PSIP1: variants seen among roughly 807,000 people sequenced by gnomAD.
PSIP1 encodes PC4 and SRSF1 interacting protein 1.
Under a neutral mutation model 74.7 loss-of-function variants are expected in PSIP1, and 19 were observed. That is an observed-to-expected ratio of 0.25 (90% CI 0.18 to 0.37). The LOEUF (loss-of-function observed/expected upper bound fraction) is 0.37. Ranked by LOEUF, PSIP1 falls within the 10% of genes least tolerant of loss-of-function variation. The pLI is 1.00. For synonymous variants in PSIP1, 222 were observed against 195.3 expected (o/e 1.14, Z -1.14); for missense variants, 601 against 614.3 (o/e 0.98, Z 0.23).
intron 12 of PSIP1, 75 bp downstream of exon 12, chr9:15,469,191 A>G (rs2035742436): frequency 1.5e-6 from 2 of 1,324,176 alleles, no homozygotes; most frequent in African/African-American, 1.5e-5. Flanking sequence ...TTACATACTC[A>G]TAAGATCATG....
chr9:15,493,976 C>T (rs2036956050), intron 3 of PSIP1, among the ~76,000 whole-genome samples: 4 of 152,176 alleles, frequency 2.6e-5, no homozygotes, highest in African/African-American at 9.7e-5. Context: ...CTCCTCCCCA[C>T]ATCAGTGAGT....
At chr9:15,490,147 G>GT in intron 3 of PSIP1, 23 bp from the exon 4 acceptor site, 1 of 1,558,484 alleles carries the variant, frequency 6.4e-7, no homozygotes, top group Non-Finnish European at 8.6e-7. Context: ...TGGGGAAGAT[G>GT]TGAGTGCAAA....
intron 6 of PSIP1, 60 bp downstream of exon 6, chr9:15,485,946 A>C (rs1210751249): frequency 7.0e-7 from 1 of 1,426,250 alleles, no homozygotes; most frequent in African/African-American, 1.4e-5. Flanking sequence ...ACTCTCCCTC[A>C]ACCCAATTAA....
Position 15,465,414 on chromosome 9 carries a change from C to T in PSIP1, c.*106G>A. ...GATTTTCTCCCTCAAAACAAGTTTT[C>T]AACATCAAACCTATGCTTATAAAAA... On this transcript the variant is annotated 3_prime_UTR_variant, in exon 16 of 16. Coordinates refer to ENST00000380733, the MANE Select transcript of PSIP1 (RefSeq NM_033222.5). 9.8e-7 allele frequency: 1 copy of T among 1,018,738 alleles called. No homozygotes were observed. Among genetic ancestry groups the T allele is most frequent in the South Asian group, 1.5e-5 (1 of 65,824 alleles). 63.1% of individuals were successfully genotyped at this position (1,018,738 alleles called of 1,614,324 possible). A position where few individuals can be genotyped will look rare whatever the true frequency, so the allele number is the denominator to read the frequency against.
At chr9:15,490,427 A>C (rs1167011278) in intron 3 of PSIP1, among the ~76,000 whole-genome samples, 1 of 152,186 alleles carries the variant, frequency 6.6e-6, no homozygotes, top group Non-Finnish European at 1.5e-5. Context: ...TTACGCCTGT[A>C]ATCTCACCAC....
At chr9:15,487,465 C>T (rs1368278704) in intron 4 of PSIP1, among the ~76,000 whole-genome samples, 11 of 151,754 alleles carry the variant, frequency 7.2e-5, no homozygotes, top group African/African-American at 2.2e-4. Flanking sequence ...CATGGTGGCA[C>T]GCGCCTGTAA....
Position 15,510,126 on chromosome 9 carries a change from C to T in PSIP1, c.63G>A (p.Trp21Ter). The change falls in exon 2 of 16, where the codon TGG (tryptophan) becomes TGA (stop). Residue 21 changes from tryptophan (W) to a stop codon, truncating the protein, a stop_gained. Transcript: ENST00000380733. LOFTEE classifies it high-confidence loss of function. Reference sequence around the variant, plus strand: ...GCTACAAATCACTTACTCGAGCTGGCCAATGGGGATAACCTTTCATCTTGG... The same window carrying T: ...GCTACAAATCACTTACTCGAGCTGGTCAATGGGGATAACCTTTCATCTTGG... The part of the protein sequence containing the change: ...IFAKMKGYPH[W>*]PARVDEVPDG... The T allele has an allele frequency of 1.2e-6, 2 of 1,606,016 alleles. No homozygotes were observed. The highest frequency in any genetic ancestry group is 1.1e-5 in the South Asian group (1 of 90,030).
Position 15,510,301 on chromosome 9 carries a change from G to C in PSIP1, c.-113C>G. 2.6e-6 allele frequency: 2 copies of C among 776,534 alleles called. No individual in the cohort carries two copies. Among genetic ancestry groups the C allele is most frequent in the South Asian group, 2.0e-5 (1 of 49,268 alleles). The allele number at this position is 776,534 out of a possible 1,614,324, so 48.1% of individuals were successfully genotyped here. On this transcript the variant is annotated 5_prime_UTR_variant, in exon 2 of 16. Transcript: ENST00000380733. The stretch of plus-strand genomic sequence containing the variant: ...AGCTACCGGGCCCGCGGGCGGGGGA[G>C]GATGCCTCGGGGCGTCCCGACGCGC...
At position 15,506,628 on chromosome 9, in the gene PSIP1, C is replaced by G. The variant is rs2037599980; in HGVS notation, c.82G>C (p.Val28Leu). 6.2e-7 allele frequency: 1 copy of G among 1,609,348 alleles called. No homozygotes were observed. Among genetic ancestry groups the G allele is most frequent in the East Asian group, 2.2e-5 (1 of 44,838 alleles). The change falls in exon 3 of 16, where the codon GTT becomes CTT. Residue 28 changes from valine (V) to leucine (L), a missense_variant. Val to Leu is a conservative substitution (Grantham distance 32, BLOSUM62 1). Around this residue, in one of 2 missense-constraint regions of PSIP1, gnomAD observed 63 missense variants for 106.7 expected, o/e 0.59. Coordinates refer to ENST00000380733, the MANE Select transcript of PSIP1 (RefSeq NM_033222.5). ...GGTGGCTTTACAGCTCCATCAGGAACTTCGTCTACCTAAAAGAAAAGTGAG... is the reference window on the plus strand; with the variant it reads ...GGTGGCTTTACAGCTCCATCAGGAAGTTCGTCTACCTAAAAGAAAAGTGAG... ...YPHWPARVDEVPDGAVKPPTN... is the reference protein window; with the variant it reads ...YPHWPARVDELPDGAVKPPTN...
At chr9:15,482,459 G>A (rs2036377114) in intron 6 of PSIP1, among the ~76,000 whole-genome samples, 1 of 152,062 alleles carries the variant, frequency 6.6e-6, no homozygotes, top group African/African-American at 2.4e-5. Flanking sequence ...ATGTGGATGG[G>A]GCAGAAGGGA....
At chr9:15,503,103 A>G (rs1040896587) in intron 3 of PSIP1, among the ~76,000 whole-genome samples, 3 of 152,270 alleles carry the variant, frequency 2.0e-5, no homozygotes, top group Non-Finnish European at 4.4e-5. Context: ...ACAGAGGCTC[A>G]TACCTGTAAT....
intron 6 of PSIP1, among the ~76,000 whole-genome samples, chr9:15,482,964 C>CA (rs1210976348): frequency 1.3e-4 from 20 of 152,162 alleles, no homozygotes; most frequent in Non-Finnish European, 2.5e-4. Context: ...ACCACTTCTT[C>CA]ATTCTGGACA....
In PSIP1 at chr9:15,478,127, T is replaced by TAAAA. The variant is rs570873100; in HGVS notation, c.629+346_629+349dup. On this transcript the variant is annotated intron_variant, in intron 8 of 15. Coordinates refer to ENST00000380733, the MANE Select transcript of PSIP1 (RefSeq NM_033222.5). Reference sequence around the variant, plus strand: ...GGGCGACAGAGTGAAACCCCATCTTTAAAAAAAAAAAAAAAAAAAAAAAAA... The same window carrying TAAAA: ...GGGCGACAGAGTGAAACCCCATCTTTAAAAAAAAAAAAAAAAAAAAAAAAAAAAA... 3.7e-5 allele frequency among the ~76,000 whole-genome samples: 4 copies of TAAAA among 108,224 alleles called. No individual in the cohort carries two copies. The East Asian group carries it at 7.5e-4, about 20-fold the overall frequency. The allele number at this position is 108,224 out of a possible 152,430, so 71.0% of individuals were successfully genotyped here.
At chr9:15,469,212 AAAG>A in intron 12 of PSIP1, 51 bp downstream of exon 12, 1 of 1,352,348 alleles carries the variant, frequency 7.4e-7, no homozygotes, top group South Asian at 1.3e-5. Context: ...TGAGAAAATA[AAAG>A]ATGAAGCTAT....
rs772544717 is a variant in PSIP1, at chr9:15,469,902, A to G, written c.1033+36T>C. The G allele has an allele frequency of 1.9e-6, 3 of 1,547,966 alleles. No homozygotes were observed. The Admixed American group carries it at 5.1e-5, about 26-fold the overall frequency. ...TGTCTATATAACTTCTTTTCCATGT[A>G]TAATTTTATGTATCTTAGAAAGTGA... On this transcript the variant is annotated intron_variant, in intron 11 of 15. Coordinates refer to ENST00000380733, the MANE Select transcript of PSIP1 (RefSeq NM_033222.5).
At chr9:15,474,826 A>C (rs1295546565) in intron 8 of PSIP1, among the ~76,000 whole-genome samples, 1 of 152,206 alleles carries the variant, frequency 6.6e-6, no homozygotes, top group Non-Finnish European at 1.5e-5. Flanking sequence ...TTTATGGTTG[A>C]TATATATTCT....
At chr9:15,476,304 T>A (rs2036074825) in intron 8 of PSIP1, among the ~76,000 whole-genome samples, 1 of 152,204 alleles carries the variant, frequency 6.6e-6, no homozygotes, top group Non-Finnish European at 1.5e-5. Context: ...AGTCACTTGC[T>A]TTAGGGCTGG....
At chr9:15,466,644 C>T in intron 15 of PSIP1, 104 bp downstream of exon 15, 1 of 844,456 alleles carries the variant, frequency 1.2e-6, no homozygotes, top group Non-Finnish European at 1.7e-6. Context: ...ATTGGGTGAT[C>T]AAAAGATAAC....
intron 4 of PSIP1, among the ~76,000 whole-genome samples, chr9:15,487,384 C>T (rs1211470943): frequency 6.6e-6 from 1 of 151,860 alleles, no homozygotes; most frequent in East Asian, 1.9e-4. Context: ...CACTTGAAGT[C>T]GGGCGTTCAA....
Sources: gnomAD v4.1 joint callset for allele counts (sites outside exome capture counted in the v4.1 genomes callset) on GRCh38, gnomAD v4.1.1 for gene constraint, gnomAD v4.1.1 regional missense constraint, MANE v1.5 for transcripts, NCBI Gene and HGNC (gene_info 2026-07-23, HGNC 2026-07-21) for gene names.